Variants in JAKMIP1 observed in about 807,000 individuals in gnomAD.
JAKMIP1 encodes the protein janus kinase and microtubule interacting protein 1.
JAKMIP1 carries 33 observed loss-of-function variants against 113.0 expected under a neutral mutation model. That is an observed-to-expected ratio of 0.29 (90% CI 0.22 to 0.39). The LOEUF (loss-of-function observed/expected upper bound fraction) is 0.39, where lower values mean the gene tolerates loss of function less well. JAKMIP1 is among the 10% of genes least tolerant of loss of function. The pLI is 1.00. For missense variants in JAKMIP1, 813 were observed against 1,080.5 expected, an observed-to-expected ratio of 0.75 and a Z score of 3.47; for synonymous variants, 480 against 459.9, an observed-to-expected ratio of 1.04 and a Z score of -0.56.
At chr4:6,029,117 C>G (rs1262086239) in intron 20 of JAKMIP1, among the ~76,000 whole-genome samples, 1 of 152,220 alleles carries the variant, frequency 6.6e-6, no homozygotes, top group Non-Finnish European at 1.5e-5. Context: ...CTATGACATC[C>G]ATGGAGAACC....
rs542675487 is a variant in JAKMIP1 at position 6,051,853 on chromosome 4, G to A, written c.1807-1174C>T. On this transcript the variant is annotated intron_variant, in intron 13 of 20. Coordinates refer to ENST00000409021, the MANE Select transcript of JAKMIP1 (RefSeq NM_001099433.2). This position sits in a 1 kb window ranked among gnomAD's most constrained non-coding sequence, Gnocchi z 5.0. Reference sequence around the variant, plus strand: ...AATGGACTTTAAACACTTTAGCGATGGACAGATTTGTCATGGTGGGGCAGC... The same window carrying A: ...AATGGACTTTAAACACTTTAGCGATAGACAGATTTGTCATGGTGGGGCAGC... Among the ~76,000 whole-genome samples the A allele has an allele frequency of 6.6e-6, 1 of 152,278 alleles. No individual in the cohort carries two copies. The highest frequency in any genetic ancestry group is 2.1e-4 in the South Asian group (1 of 4,818).
chr4:6,060,293 TCC>T, intron 11 of JAKMIP1, 129 bp downstream of exon 11: 1 of 717,466 alleles, frequency 1.4e-6, no homozygotes, highest in Admixed American at 2.0e-5. Flanking sequence ...TAGTGTTTTT[TCC>T]TCTAGCGTCT....
In JAKMIP1 at chr4:6,135,014, T is replaced by G. The variant is rs1719026801; in HGVS notation, c.-147-22017A>C. On this transcript the variant is annotated intron_variant, in intron 1 of 20. Transcript: ENST00000409021. The surrounding 1 kb of genome is among the most constrained non-coding windows in gnomAD (Gnocchi z 4.9). ...TGGGCTCCCTGGCAGGCCCTGGACA[T>G]GTAGAGATGGCAGGTGTAGGGCTCG... Among the ~76,000 whole-genome samples, 1 of 152,152 alleles carries G rather than the reference T, an allele frequency of 6.6e-6. No homozygotes were observed. Among genetic ancestry groups the G allele is most frequent in the Non-Finnish European group, 1.5e-5 (1 of 68,024 alleles).
chr4:6,062,850 T>C (rs754583966), intron 9 of JAKMIP1, among the ~76,000 whole-genome samples: 9 of 152,212 alleles, frequency 5.9e-5, no homozygotes, highest in Non-Finnish European at 1.3e-4. Context: ...TTCTGGGAAT[T>C]TATCCTAAAG....
rs183503351 is a variant in JAKMIP1, at chr4:6,027,126, C to T, written c.2446-848G>A. 4.3e-4 allele frequency among the ~76,000 whole-genome samples: 66 copies of T among 151,862 alleles called. 1 individual carries two copies. Among genetic ancestry groups the T allele is most frequent in the African/African-American group, 1.6e-3 (65 of 41,432 alleles). On this transcript the variant is annotated intron_variant, in intron 20 of 20. Transcript: ENST00000409021. ...TAACGGGAGGAAAAATTAAACACACCGACTCAAAAGTAGAATTTTTTTCTT... is the reference window on the plus strand; with the variant it reads ...TAACGGGAGGAAAAATTAAACACACTGACTCAAAAGTAGAATTTTTTTCTT...
chr4:6,112,669 G>A, intron 2 of JAKMIP1, 53 bp downstream of exon 2: 3 of 1,592,632 alleles, frequency 1.9e-6, no homozygotes, highest in East Asian at 4.5e-5. Context: ...AGGCAACACT[G>A]CCCAAAGGGA....
At chr4:6,079,020 G>A in intron 7 of JAKMIP1, 22 bp from the exon 8 acceptor site, 1 of 1,614,000 alleles carries the variant, frequency 6.2e-7, no homozygotes, top group Admixed American at 1.7e-5. Flanking sequence ...CACAACGGTT[G>A]GCATTTCCAG....
At chr4:6,172,235 G>T (rs116505220) in intron 1 of JAKMIP1, among the ~76,000 whole-genome samples, 1,651 of 152,316 alleles carry the variant, frequency 0.011, 38 homozygotes, top group African/African-American at 0.036. Flanking sequence ...TGCTGCCCGA[G>T]CACTGGCCGA....
rs991721744 is a variant in JAKMIP1, at chr4:6,139,073, C to G, written c.-147-26076G>C. 6.8e-6 allele frequency among the ~76,000 whole-genome samples: 1 copy of G among 147,636 alleles called. No homozygotes were observed. Among genetic ancestry groups the G allele is most frequent in the Non-Finnish European group, 1.5e-5 (1 of 67,750 alleles). On this transcript the variant is annotated intron_variant, in intron 1 of 20. Transcript: ENST00000409021. This position sits in a 1 kb window ranked among gnomAD's most constrained non-coding sequence, Gnocchi z 5.2. The stretch of plus-strand genomic sequence containing the variant: ...CATTAGAAACACACACACACACACA[C>G]ACACACACACATATACACACACACA...
At chr4:6,171,252 C>T (rs550118279) in intron 1 of JAKMIP1, among the ~76,000 whole-genome samples, 314 of 151,510 alleles carry the variant, frequency 2.1e-3, no homozygotes, top group African/African-American at 6.9e-3. Flanking sequence ...CCACCATCAC[C>T]ATCACACCTA....
At chr4:6,091,213 GGGT>G (rs1722021271) in intron 3 of JAKMIP1, among the ~76,000 whole-genome samples, 1 of 149,992 alleles carries the variant, frequency 6.7e-6, no homozygotes, top group Non-Finnish European at 1.5e-5. Flanking sequence ...GGACCATTTT[GGGT>G]GAAAACCATC....
chr4:6,111,264 G>A (rs775211024), intron 2 of JAKMIP1, among the ~76,000 whole-genome samples: 1 of 152,196 alleles, frequency 6.6e-6, no homozygotes, highest in African/African-American at 2.4e-5. Flanking sequence ...CGTCACTCCA[G>A]GTACTACAGC....
intron 1 of JAKMIP1, among the ~76,000 whole-genome samples, chr4:6,170,764 C>T (rs1724500729): frequency 3.7e-5 from 3 of 80,082 alleles, no homozygotes; most frequent in Admixed American, 3.7e-4. Context: ...CACCACATCC[C>T]CATCACCATC....
chr4:6,090,499 C>T (rs1721900888), intron 3 of JAKMIP1, among the ~76,000 whole-genome samples: 1 of 152,180 alleles, frequency 6.6e-6, no homozygotes, highest in Non-Finnish European at 1.5e-5. Flanking sequence ...TAATTTGTTA[C>T]AGCTGCCCCC....
intron 1 of JAKMIP1, among the ~76,000 whole-genome samples, chr4:6,127,856 G>A (rs942752067): frequency 3.9e-5 from 6 of 152,162 alleles, no homozygotes; most frequent in Admixed American, 3.3e-4. Flanking sequence ...AAAAACTGAC[G>A]CCCGTCTAAC....
In JAKMIP1 at chr4:6,157,022, G is replaced by T. The variant is rs1722319987; in HGVS notation, c.-148+43231C>A. On this transcript the variant is annotated intron_variant, in intron 1 of 20. Transcript: ENST00000409021. The surrounding 1 kb of genome is among the most constrained non-coding windows in gnomAD (Gnocchi z 4.7). The stretch of plus-strand genomic sequence containing the variant: ...CTTTAAGGGGTGATTGGGTCATGAG[G>T]GCTCTAACCTCATGAATGGATTAAT... Among the ~76,000 whole-genome samples the T allele has an allele frequency of 6.6e-6, 1 of 152,124 alleles. No individual in the cohort carries two copies. Among genetic ancestry groups the T allele is most frequent in the South Asian group, 2.1e-4 (1 of 4,816 alleles).
Position 6,051,776 on chromosome 4 carries a change from T to A in JAKMIP1, c.1807-1097A>T, listed in dbSNP as rs1291270025. On this transcript the variant is annotated intron_variant, in intron 13 of 20. Transcript: ENST00000409021. The surrounding 1 kb of genome is among the most constrained non-coding windows in gnomAD (Gnocchi z 5.0). ...GGGAAAACCTAATTACTTACAGGGC[T>A]AAAGCACAGTGGCAGAACAGGACTC... is the stretch of plus-strand genomic sequence containing the variant. Among the ~76,000 whole-genome samples, 1 of 152,252 alleles carries A rather than the reference T, an allele frequency of 6.6e-6. No homozygotes were observed. Among genetic ancestry groups the A allele is most frequent in the Non-Finnish European group, 1.5e-5 (1 of 68,054 alleles).
At chr4:6,099,859 G>A (rs890096445) in intron 3 of JAKMIP1, among the ~76,000 whole-genome samples, 1 of 152,172 alleles carries the variant, frequency 6.6e-6, no homozygotes, top group East Asian at 1.9e-4. Context: ...TGAGTTAACA[G>A]ATGTCTCTGT....
chr4:6,033,817 T>C (rs942490652), intron 19 of JAKMIP1, among the ~76,000 whole-genome samples: 18 of 152,254 alleles, frequency 1.2e-4, no homozygotes, highest in African/African-American at 3.9e-4. Flanking sequence ...GGTTTTGCAA[T>C]ACTCTTTTGA....
Sources: allele counts gnomAD v4.1 joint callset (sites outside exome capture counted in the v4.1 genomes callset), GRCh38; gene constraint gnomAD v4.1.1; non-coding constraint Gnocchi (gnomAD v3.1); transcripts MANE v1.5; gene names NCBI Gene and HGNC (gene_info 2026-07-23, HGNC 2026-07-21).